The following PPP2CA variants were observed in gnomAD, a reference collection of about 807,000 sequenced individuals.
PPP2CA encodes serine/threonine-protein phosphatase 2A catalytic subunit alpha isoform.
A neutral mutation model predicts 38.8 loss-of-function variants in PPP2CA; 5 were observed. The observed-to-expected ratio is 0.13, with a 90% CI of 0.07 to 0.27. PPP2CA has a LOEUF of 0.27. PPP2CA is among the 10% of genes least tolerant of loss of function. PPP2CA has a pLI of 1.00. For synonymous variants in PPP2CA, 152 were observed against 134.0 expected, an observed-to-expected ratio of 1.13 and a Z score of -0.93; for missense variants, 88 against 389.7, an observed-to-expected ratio of 0.23 and a Z score of 6.52.
chr5:134,194,487 A>C lies in PPP2CA; in HGVS notation c.*3285T>G, dbSNP rs191166801. On this transcript the variant is annotated 3_prime_UTR_variant, in exon 7 of 7. Transcript: ENST00000481195. ...TTGGAAGCAAAGGAATATTTATACT[A>C]AACAGGTAAAAGTCACCACTGAAAC... is the stretch of plus-strand genomic sequence containing the variant. 7.7e-4 allele frequency: 118 copies of C among 152,420 alleles called. 2 individuals are homozygous for C. Among genetic ancestry groups the C allele is most frequent in the Admixed American group, 7.6e-3 (116 of 15,302 alleles). The allele number at this position is 152,420 out of a possible 1,614,324, so 9.4% of individuals were successfully genotyped here. A position where few individuals can be genotyped will look rare whatever the true frequency, so the allele number is the denominator to read the frequency against.
At chr5:134,204,099 T>C (rs1189913830) in intron 2 of PPP2CA, among the ~76,000 whole-genome samples, 1 of 152,242 alleles carries the variant, frequency 6.6e-6, no homozygotes, top group Admixed American at 6.5e-5. Flanking sequence ...TCCAAAAATA[T>C]TTCGTAGGAC....
intron 2 of PPP2CA, 79 bp downstream of exon 2, chr5:134,205,838 TAGAGA>T (rs1561736899): frequency 8.4e-7 from 1 of 1,185,480 alleles, no homozygotes; most frequent in Non-Finnish European, 1.2e-6. Context: ...AACATTCAGA[TAGAGA>T]AAATAACTGG....
At chr5:134,204,198 A>G (rs1025270480) in intron 2 of PPP2CA, among the ~76,000 whole-genome samples, 3 of 152,266 alleles carry the variant, frequency 2.0e-5, no homozygotes, top group African/African-American at 7.2e-5. Flanking sequence ...AGTCTGTGAC[A>G]GCCATTTATC....
At chr5:134,218,082 C>T (rs1274775610) in intron 1 of PPP2CA, among the ~76,000 whole-genome samples, 3 of 151,872 alleles carry the variant, frequency 2.0e-5, no homozygotes, top group Non-Finnish European at 3.0e-5. Context: ...ATGCAGTCCA[C>T]CACTGACCAA....
At chr5:134,200,237 G>T in intron 5 of PPP2CA, 98 bp downstream of exon 5, 1 of 1,327,334 alleles carries the variant, frequency 7.5e-7, no homozygotes, top group Non-Finnish European at 1.0e-6. Context: ...AGGAATAGAT[G>T]GAATTTCTCA....
rs1012322973 is a variant in PPP2CA at position 134,213,380 on chromosome 5, G to A, written c.103-7249C>T. Reference sequence around the variant, plus strand: ...ACATCTGCTTACAGCACGGTATACTGAATATTTTAAGTGCATTACTGAGAC... The same window carrying A: ...ACATCTGCTTACAGCACGGTATACTAAATATTTTAAGTGCATTACTGAGAC... On this transcript the variant is annotated intron_variant, in intron 1 of 6. Coordinates refer to ENST00000481195, the MANE Select transcript of PPP2CA (RefSeq NM_002715.4). 2.7e-5 allele frequency among the ~76,000 whole-genome samples: 4 copies of A among 149,930 alleles called. No homozygotes were observed. In the East Asian group the frequency reaches 7.8e-4, roughly 29 times the overall value.
intron 1 of PPP2CA, among the ~76,000 whole-genome samples, chr5:134,209,694 C>T (rs572614661): frequency 6.6e-6 from 1 of 151,956 alleles, no homozygotes; most frequent in Non-Finnish European, 1.5e-5. Context: ...ATGAGAATAG[C>T]TTGAACCTGG....
chr5:134,205,697 A>C (rs1762068939), intron 2 of PPP2CA: 2 of 464,474 alleles, frequency 4.3e-6, no homozygotes, highest in Admixed American at 6.8e-5. Context: ...TTTTCAAACA[A>C]TCTGACTGAG....
chr5:134,202,122 G>GA (rs1188064185), intron 2 of PPP2CA, 101 bp from the exon 3 acceptor site: 2 of 1,188,180 alleles, frequency 1.7e-6, no homozygotes, highest in South Asian at 3.3e-5. Context: ...CAATTTTGTT[G>GA]AAAAAACAGC....
At chr5:134,204,770 G>C (rs1210895182) in intron 2 of PPP2CA, among the ~76,000 whole-genome samples, 1 of 152,052 alleles carries the variant, frequency 6.6e-6, no homozygotes, top group East Asian at 1.9e-4. Context: ...GCCTAGTCTA[G>C]ATTATTACTG....
At chr5:134,217,389 T>C (rs1446960530) in intron 1 of PPP2CA, among the ~76,000 whole-genome samples, 3 of 152,238 alleles carry the variant, frequency 2.0e-5, no homozygotes, top group African/African-American at 7.2e-5. Flanking sequence ...TGGACAGTTC[T>C]ACCAATATAA....
At chr5:134,215,666 C>T (rs1006152941) in intron 1 of PPP2CA, among the ~76,000 whole-genome samples, 5 of 152,218 alleles carry the variant, frequency 3.3e-5, no homozygotes, top group Admixed American at 1.3e-4. Context: ...CTTGAACTCC[C>T]GGGCTCAAGA....
intron 1 of PPP2CA, among the ~76,000 whole-genome samples, chr5:134,225,109 A>C (rs1762538167): frequency 6.6e-6 from 1 of 152,206 alleles, no homozygotes; most frequent in African/African-American, 2.4e-5. Context: ...TCTTCCAACT[A>C]TGAAAAATAA....
intron 1 of PPP2CA, among the ~76,000 whole-genome samples, chr5:134,223,636 T>C (rs993583755): frequency 6.6e-6 from 1 of 152,248 alleles, no homozygotes; most frequent in Admixed American, 6.5e-5. Flanking sequence ...TTTACAAAGA[T>C]GTGGAAAGCA....
In PPP2CA at chr5:134,200,513, A is replaced by G; in HGVS notation, c.577-17T>C. The G allele has an allele frequency of 1.2e-6, 2 of 1,607,984 alleles. No individual in the cohort carries two copies. The highest frequency in any genetic ancestry group is 1.7e-6 in the Non-Finnish European group (2 of 1,177,432). The stretch of plus-strand genomic sequence containing the variant: ...CATTGGACCCTAAAAAATAACTTCA[A>G]GTTATAAAATGCCTTTTACAAACAT... On this transcript the variant is annotated splice_polypyrimidine_tract_variant and intron_variant, in intron 4 of 6. Coordinates refer to ENST00000481195, the MANE Select transcript of PPP2CA (RefSeq NM_002715.4).
At chr5:134,205,659 A>G in intron 2 of PPP2CA, 1 of 369,580 alleles carries the variant, frequency 2.7e-6, no homozygotes, top group Non-Finnish European at 5.1e-6. Context: ...CTGGGATTAC[A>G]GGCATAAGCC....
At chr5:134,207,359 C>T (rs1245702246) in intron 1 of PPP2CA, among the ~76,000 whole-genome samples, 1 of 152,116 alleles carries the variant, frequency 6.6e-6, no homozygotes, top group Non-Finnish European at 1.5e-5. Flanking sequence ...GAGCCAAGAT[C>T]GCATCACTGC....
intron 2 of PPP2CA, among the ~76,000 whole-genome samples, chr5:134,202,886 G>A (rs749812863): frequency 6.6e-6 from 1 of 152,148 alleles, no homozygotes; most frequent in African/African-American, 2.4e-5. Context: ...CCAACACTTG[G>A]TATTATCAAC....
At chr5:134,208,711 T>A (rs899970050) in intron 1 of PPP2CA, among the ~76,000 whole-genome samples, 1 of 152,154 alleles carries the variant, frequency 6.6e-6, no homozygotes, top group Non-Finnish European at 1.5e-5. Flanking sequence ...TTTCACACCA[T>A]CATTAAGTCG....
Sources: gnomAD v4.1 joint callset for allele counts (sites outside exome capture counted in the v4.1 genomes callset) on GRCh38, gnomAD v4.1.1 for gene constraint, MANE v1.5 for transcripts, NCBI Gene and HGNC (gene_info 2026-07-23, HGNC 2026-07-21) for gene names.